The following PCM1 variants were observed in gnomAD, a reference collection of about 807,000 sequenced individuals.
The protein encoded by PCM1 is pericentriolar material 1 protein.
Under a neutral mutation model 241.9 loss-of-function variants are expected in PCM1, and 157 were observed. That is an observed-to-expected ratio of 0.65 (90% CI 0.57 to 0.74). The LOEUF (loss-of-function observed/expected upper bound fraction) is 0.74, where lower values mean the gene tolerates loss of function less well. Ranked by LOEUF, PCM1 falls within the 30% of genes least tolerant of loss-of-function variation. The probability of loss-of-function intolerance (pLI) is 0.00; values close to 1 mark genes in which losing one functional copy is unlikely to be tolerated. For synonymous variants in PCM1, 1,085 were observed against 784.9 expected (o/e 1.38, Z -6.39); for missense variants, 3,478 against 2,360.1 (o/e 1.47, Z -9.81).
chr8:17,990,199 G>A (rs762749533), intron 27 of PCM1, among the ~76,000 whole-genome samples: 44 of 151,902 alleles, frequency 2.9e-4, no homozygotes, highest in Non-Finnish European at 5.2e-4. Context: ...TAAGGAAATG[G>A]GAATTTTAAC....
chr8:17,965,335 C>T (rs950058492), intron 18 of PCM1, among the ~76,000 whole-genome samples: 1 of 152,156 alleles, frequency 6.6e-6, no homozygotes, highest in Non-Finnish European at 1.5e-5. Context: ...TGATTGTTCT[C>T]ATTAGCAAAA....
chr8:18,014,541 T>A, intron 35 of PCM1, 43 bp from the exon 36 acceptor site: 9 of 1,497,052 alleles, frequency 6.0e-6, no homozygotes, highest in Non-Finnish European at 8.1e-6. Flanking sequence ...AAATTTAACA[T>A]TTTTTGCATT....
chr8:17,941,628 GC>G (rs1353707020), intron 6 of PCM1, among the ~76,000 whole-genome samples: 1 of 151,752 alleles, frequency 6.6e-6, no homozygotes, highest in Non-Finnish European at 1.5e-5. Context: ...AATTTAATAT[GC>G]TACACTATTT....
intron 32 of PCM1, 87 bp downstream of exon 32, chr8:18,010,755 G>A: frequency 1.2e-6 from 1 of 845,836 alleles, no homozygotes; most frequent in Non-Finnish European, 1.8e-6. Flanking sequence ...GGCCAAGGCG[G>A]GTGGATCACG....
chr8:18,018,877 T>C (rs1378264561), intron 36 of PCM1, among the ~76,000 whole-genome samples: 8 of 38,738 alleles, frequency 2.1e-4, no homozygotes, highest in South Asian at 1.1e-3. Context: ...TATATATATA[T>C]ATACACACAC....
Position 17,969,596 on chromosome 8 carries a change from A to G in PCM1, c.3432A>G (p.Leu1144=), listed in dbSNP as rs762418938. ...GATTAGGTATGAATTTCAGCCCTTT[A>G]TTTCCTTCTAATTTTGGAGATTTTT... ...SFAPGMNFSP[L]FPSNFGDFSQ... The change falls in exon 22 of 39, where the codon TTA becomes TTG. Residue 1144 remains leucine (L), a synonymous_variant. Coordinates refer to ENST00000325083, the MANE Select transcript of PCM1 (RefSeq NM_006197.4). 2 of 1,608,240 alleles carry G rather than the reference A, an allele frequency of 1.2e-6. No individual in the cohort carries two copies. Among genetic ancestry groups the G allele is most frequent in the Non-Finnish European group, 1.7e-6 (2 of 1,177,110 alleles).
At chr8:17,952,196 C>A (rs989179218) in intron 8 of PCM1, among the ~76,000 whole-genome samples, 3 of 150,712 alleles carry the variant, frequency 2.0e-5, no homozygotes, top group Non-Finnish European at 4.4e-5. Flanking sequence ...GCACTCTAGC[C>A]TGGGCCACAG....
intron 29 of PCM1, among the ~76,000 whole-genome samples, chr8:17,995,979 A>T (rs2086566853): frequency 6.6e-6 from 1 of 152,198 alleles, no homozygotes; most frequent in Non-Finnish European, 1.5e-5. Context: ...TATCATATAC[A>T]AACAAGGATA....
At chr8:17,941,133 G>C (rs912269198) in intron 6 of PCM1, among the ~76,000 whole-genome samples, 3 of 152,152 alleles carry the variant, frequency 2.0e-5, no homozygotes, top group Non-Finnish European at 4.4e-5. Context: ...AACAGTTGTT[G>C]AAGAATGGAT....
chr8:17,995,458 T>G (rs950195905), intron 29 of PCM1, among the ~76,000 whole-genome samples: 20 of 151,468 alleles, frequency 1.3e-4, no homozygotes, highest in African/African-American at 4.9e-4. Context: ...CACGCTGTTT[T>G]GGTTACTATA....
chr8:17,949,203 TTA>T (rs1188775488), intron 7 of PCM1, among the ~76,000 whole-genome samples: 1 of 152,140 alleles, frequency 6.6e-6, no homozygotes, highest in African/African-American at 2.4e-5. Flanking sequence ...AGTCTTGTAT[TTA>T]TGAGATTTTG....
rs780313285 is a variant in PCM1 at position 17,969,729 on chromosome 8, A to G, written c.3565A>G (p.Ile1189Val). 2.5e-5 allele frequency: 40 copies of G among 1,578,996 alleles called. No individual in the cohort carries two copies. The highest frequency in any genetic ancestry group is 3.1e-5 in the Non-Finnish European group (36 of 1,167,392). Residue 1189 changes from isoleucine to valine, a missense_variant, in exon 22 of 39, where the codon ATT (isoleucine) becomes GTT (valine). Transcript: ENST00000325083. ...AAAACCTTTTGAAAGCAGTTCCTCT[A>G]TTGGAGCAGAGAAACCAAGGTACTG... is the stretch of plus-strand genomic sequence containing the variant. The part of the protein sequence containing the change: ...FPKPFESSSS[I>V]GAEKPRNKKL...
intron 36 of PCM1, among the ~76,000 whole-genome samples, chr8:18,016,591 C>T (rs1000855931): frequency 3.3e-5 from 5 of 152,144 alleles, no homozygotes; most frequent in African/African-American, 1.2e-4. Context: ...CCAAAATTGC[C>T]TTGCTAAAAG....
chr8:17,967,270 G>C (rs1160084329), intron 21 of PCM1, 100 bp downstream of exon 21: 1 of 802,848 alleles, frequency 1.2e-6, no homozygotes, highest in Non-Finnish European at 1.9e-6. Context: ...CTTTTGGAGT[G>C]GGGTAGGAAA....
chr8:17,991,412 T>C (rs568078889), intron 27 of PCM1, 130 bp from the exon 28 acceptor site: 11 of 640,510 alleles, frequency 1.7e-5, no homozygotes, highest in African/African-American at 5.5e-5. Flanking sequence ...TCAAGTAGTA[T>C]AGTGTGTAGA....
chr8:18,024,786 G>C (rs2094043373), intron 36 of PCM1, among the ~76,000 whole-genome samples: 1 of 152,040 alleles, frequency 6.6e-6, no homozygotes, highest in Non-Finnish European at 1.5e-5. Flanking sequence ...ACAGGAGCAG[G>C]GTGAGAAACA....
At position 17,997,551 on chromosome 8, in the gene PCM1, TCTC is replaced by T. The variant is rs533534482; in HGVS notation, c.4827+3936_4827+3938del. ...TGTGTTTTACTTTTTTTTTCTTTTG[TCTC>T]CTCAAGTTGTGTGTTTTCAAAGAGC... On this transcript the variant is annotated intron_variant, in intron 29 of 38. Transcript: ENST00000325083. 6.8e-4 allele frequency among the ~76,000 whole-genome samples: 104 copies of T among 152,220 alleles called. 1 individual carries two copies. The highest frequency in any genetic ancestry group is 2.4e-3 in the African/African-American group (98 of 41,536).
At chr8:17,971,328 C>T (rs1164037216) in intron 22 of PCM1, among the ~76,000 whole-genome samples, 1 of 152,170 alleles carries the variant, frequency 6.6e-6, no homozygotes, top group African/African-American at 2.4e-5. Context: ...GTTGTTCACG[C>T]TAGGTTCTGT....
At chr8:17,970,431 ATTT>A (rs11399726) in intron 22 of PCM1, among the ~76,000 whole-genome samples, 1 of 142,954 alleles carries the variant, frequency 7.0e-6, no homozygotes, top group African/African-American at 2.5e-5. Context: ...ATTAACTGGG[ATTT>A]TTTTTTTTTT....
Sources: gnomAD v4.1 joint callset for allele counts (sites outside exome capture counted in the v4.1 genomes callset) on GRCh38, gnomAD v4.1.1 for gene constraint, MANE v1.5 for transcripts, NCBI Gene and HGNC (gene_info 2026-07-23, HGNC 2026-07-21) for gene names.